Variants in RALGAPA1 observed in about 807,000 individuals in gnomAD.
RALGAPA1 encodes ral GTPase-activating protein subunit alpha-1.
RALGAPA1 carries 52 observed loss-of-function variants against 269.6 expected under a neutral mutation model. That is an observed-to-expected ratio of 0.19 (90% confidence interval 0.15 to 0.24). The LOEUF (loss-of-function observed/expected upper bound fraction) is 0.24, where lower values mean the gene tolerates loss of function less well. Among genes scored for constraint, RALGAPA1 ranks in the 10% least tolerant of loss-of-function variants. The probability of loss-of-function intolerance (pLI) is 1.00; values close to 1 mark genes in which losing one functional copy is unlikely to be tolerated. For synonymous variants in RALGAPA1, 817 were observed against 1,008.3 expected (o/e 0.81, Z 3.60); for missense variants, 1,917 against 3,013.9 (o/e 0.64, Z 8.52).
At chr14:35,655,593 A>G (rs1246499402) in intron 29 of RALGAPA1, among the ~76,000 whole-genome samples, 12 of 152,104 alleles carry the variant, frequency 7.9e-5, no homozygotes, top group Admixed American at 7.9e-4. Context: ...GCTAAAATAC[A>G]TAAAAAGTTG....
chr14:35,603,370 A>G (rs150512114), intron 36 of RALGAPA1, among the ~76,000 whole-genome samples: 43 of 152,278 alleles, frequency 2.8e-4, no homozygotes, highest in Middle Eastern at 3.4e-3. Context: ...TGAACTTCAC[A>G]TCATCTCTGT....
chr14:35,790,561 G>A (rs1392109714), intron 1 of RALGAPA1, among the ~76,000 whole-genome samples: 2 of 151,824 alleles, frequency 1.3e-5, no homozygotes. Context: ...GCTAGCGGGT[G>A]CCTGTAATCC....
intron 17 of RALGAPA1, among the ~76,000 whole-genome samples, chr14:35,699,755 ATAT>A (rs1267510992): frequency 1.3e-5 from 2 of 152,152 alleles, no homozygotes; most frequent in Admixed American, 6.6e-5. Context: ...AAGATTTACG[ATAT>A]TATTAGTCAA....
chr14:35,569,716 T>G (rs1164618019), intron 39 of RALGAPA1, among the ~76,000 whole-genome samples: 1 of 152,162 alleles, frequency 6.6e-6, no homozygotes, highest in Non-Finnish European at 1.5e-5. Flanking sequence ...CCTTCAAAAT[T>G]GGTTCAATCC....
At chr14:35,669,953 G>A (rs2064267802) in intron 26 of RALGAPA1, among the ~76,000 whole-genome samples, 1 of 152,200 alleles carries the variant, frequency 6.6e-6, no homozygotes, top group African/African-American at 2.4e-5. Context: ...CAAGCATGGT[G>A]CTATGCTAGG....
At chr14:35,647,808 C>T (rs1175371197) in intron 31 of RALGAPA1, among the ~76,000 whole-genome samples, 8 of 151,550 alleles carry the variant, frequency 5.3e-5, no homozygotes, top group Admixed American at 1.3e-4. Context: ...CAAAAATTAG[C>T]ATAGTGGTGT....
At chr14:35,605,486 G>A (rs1342927867) in intron 36 of RALGAPA1, 100 bp downstream of exon 36, 1 of 1,239,590 alleles carries the variant, frequency 8.1e-7, no homozygotes, top group Non-Finnish European at 1.1e-6. Context: ...TTAAGTTGTT[G>A]TATCTCCTAA....
At chr14:35,700,656 T>C (rs1267267596) in intron 16 of RALGAPA1, among the ~76,000 whole-genome samples, 1 of 152,204 alleles carries the variant, frequency 6.6e-6, no homozygotes, top group Non-Finnish European at 1.5e-5. Flanking sequence ...AACTCAATAT[T>C]AATAGTTCAA....
intron 27 of RALGAPA1, 85 bp downstream of exon 27, chr14:35,664,552 AAAAAG>A (rs1236556354): frequency 7.3e-6 from 8 of 1,103,104 alleles, no homozygotes; most frequent in Non-Finnish European, 1.0e-5. Flanking sequence ...TGTGGATTTC[AAAAAG>A]AAAAGAAAGA....
At position 35,745,424 on chromosome 14, in the gene RALGAPA1, C is replaced by CAG. The variant is rs540141937; in HGVS notation, c.1252-2860_1252-2859insCT. 8.4e-4 allele frequency among the ~76,000 whole-genome samples: 97 copies of CAG among 114,836 alleles called. No individual in the cohort carries two copies. In the East Asian group the frequency reaches 0.01, roughly 12 times the overall value. 75.3% of individuals were successfully genotyped at this position (114,836 alleles called of 152,430 possible). A position where few individuals can be genotyped will look rare whatever the true frequency, so the allele number is the denominator to read the frequency against. On this transcript the variant is annotated intron_variant, in intron 10 of 41. Transcript: ENST00000680220. ...ACACATACACAGACACACAGACAGA[C>CAG]ACACACACACACACACACACACACA...
intron 16 of RALGAPA1, among the ~76,000 whole-genome samples, chr14:35,708,751 C>A (rs1595244372): frequency 6.6e-6 from 1 of 152,104 alleles, no homozygotes; most frequent in East Asian, 1.9e-4. Flanking sequence ...TGGGTATACA[C>A]CCAAAAGAAA....
rs531097606 is a variant in RALGAPA1 at position 35,600,966 on chromosome 14, G to A, written c.7053+4620C>T. ...GTTGTTTGAAGACTCTGCTGTATGC[G>A]GGAAAAGAGCAGAGAATCAGGTGAA... On this transcript the variant is annotated intron_variant, in intron 36 of 41. Transcript: ENST00000680220. Among the ~76,000 whole-genome samples, 20 of 152,266 alleles carry A rather than the reference G, an allele frequency of 1.3e-4. 1 individual carries two copies. Among genetic ancestry groups the A allele is most frequent in the African/African-American group, 4.6e-4 (19 of 41,542 alleles).
At chr14:35,770,760 T>C (rs2074549994) in intron 4 of RALGAPA1, among the ~76,000 whole-genome samples, 182 bp downstream of exon 4, 1 of 152,190 alleles carries the variant, frequency 6.6e-6, no homozygotes, top group Non-Finnish European at 1.5e-5. Flanking sequence ...CTATGGCATT[T>C]TGACTGCAAA....
At chr14:35,746,478 T>A (rs1431884469) in intron 10 of RALGAPA1, among the ~76,000 whole-genome samples, 2 of 152,218 alleles carry the variant, frequency 1.3e-5, no homozygotes, top group African/African-American at 4.8e-5. Context: ...GTAGTAATCA[T>A]CCGCAATGTA....
At chr14:35,745,316 T>C (rs150875606) in intron 10 of RALGAPA1, among the ~76,000 whole-genome samples, 27 of 152,020 alleles carry the variant, frequency 1.8e-4, no homozygotes, top group African/African-American at 5.8e-4. Flanking sequence ...GATTTCAAAA[T>C]ACATTACTAA....
chr14:35,671,594 T>C, intron 25 of RALGAPA1, 77 bp from the exon 26 acceptor site: 2 of 697,542 alleles, frequency 2.9e-6, no homozygotes, highest in East Asian at 2.7e-5. Flanking sequence ...TCATTAAAAA[T>C]AGATAACATA....
chr14:35,770,033 T>C (rs1234007589), intron 4 of RALGAPA1, among the ~76,000 whole-genome samples: 2 of 152,070 alleles, frequency 1.3e-5, no homozygotes, highest in African/African-American at 4.8e-5. Flanking sequence ...CAAACTGAAG[T>C]AAGCAACAAA....
chr14:35,733,456 A>G (rs1475658355), intron 12 of RALGAPA1, among the ~76,000 whole-genome samples: 1 of 152,148 alleles, frequency 6.6e-6, no homozygotes, highest in African/African-American at 2.4e-5. Flanking sequence ...CAGCCTGGGC[A>G]ACAAGAGTGA....
intron 39 of RALGAPA1, among the ~76,000 whole-genome samples, chr14:35,553,316 C>G (rs2055202298): frequency 2.0e-5 from 3 of 152,202 alleles, no homozygotes; most frequent in Middle Eastern, 6.8e-3. Flanking sequence ...GCGGCACGTA[C>G]AGAGAGGGAA....
Sources: gnomAD v4.1 joint callset for allele counts (sites outside exome capture counted in the v4.1 genomes callset) on GRCh38, gnomAD v4.1.1 for gene constraint, MANE v1.5 for transcripts, NCBI Gene and HGNC (gene_info 2026-07-23, HGNC 2026-07-21) for gene names.